The following LCLAT1 variants were observed in gnomAD, a reference collection of about 807,000 sequenced individuals.
LCLAT1 encodes 1-AGP acyltransferase 8.
Under a neutral mutation model 30.7 loss-of-function variants are expected in LCLAT1, and 11 were observed. That is an observed-to-expected ratio of 0.36 (90% confidence interval 0.23 to 0.59). LCLAT1 has a LOEUF of 0.59. LCLAT1 is among the 20% of genes least tolerant of loss of function. The pLI is 0.77. For missense variants in LCLAT1, 402 were observed against 458.6 expected (o/e 0.88, Z 1.13); for synonymous variants, 155 against 151.3 (o/e 1.02, Z -0.18).
At position 30,578,764 on chromosome 2, in the gene LCLAT1, T is replaced by A. The variant is rs1232808111; in HGVS notation, c.628+10588T>A. Among the ~76,000 whole-genome samples, 8 of 152,162 alleles carry A rather than the reference T, an allele frequency of 5.3e-5. No homozygotes were observed. In the East Asian group the frequency reaches 1.5e-3, roughly 29 times the overall value. ...AACTTCATACTGTTCCTTATGTGAG[T>A]ACATGGAAATTACTCATAATCTGTA... On this transcript the variant is annotated intron_variant, in intron 5 of 5. Coordinates refer to ENST00000379509, the MANE Select transcript of LCLAT1 (RefSeq NM_001002257.3).
At chr2:30,533,357 G>A (rs746838058) in intron 3 of LCLAT1, 43 bp downstream of exon 3, 18 of 1,491,916 alleles carry the variant, frequency 1.2e-5, no homozygotes, top group Non-Finnish European at 1.6e-5. Flanking sequence ...ATTCATTTTA[G>A]ATGTAATGCA....
At chr2:30,580,590 G>A (rs1666172059) in intron 5 of LCLAT1, among the ~76,000 whole-genome samples, 1 of 152,110 alleles carries the variant, frequency 6.6e-6, no homozygotes, top group South Asian at 2.1e-4. Flanking sequence ...CAACAGAAAG[G>A]GGAAGCTGCC....
At chr2:30,489,810 A>G (rs905887894) in intron 1 of LCLAT1, among the ~76,000 whole-genome samples, 1 of 152,114 alleles carries the variant, frequency 6.6e-6, no homozygotes, top group African/African-American at 2.4e-5. Flanking sequence ...GCCAGTCAGG[A>G]CTCTAGTTGC....
chr2:30,450,746 G>C lies in LCLAT1; in HGVS notation c.-5+3363G>C, dbSNP rs796891656. 3.3e-4 allele frequency among the ~76,000 whole-genome samples: 50 copies of C among 152,320 alleles called. 1 individual carries two copies. Among genetic ancestry groups the C allele is most frequent in the African/African-American group, 1.1e-3 (46 of 41,566 alleles). ...AGGATTTCATGAAGTCAAAGCAAGGGGGAGAACTGCTGAAACCATAAGCGC... is the reference window on the plus strand; with the variant it reads ...AGGATTTCATGAAGTCAAAGCAAGGCGGAGAACTGCTGAAACCATAAGCGC... On this transcript the variant is annotated intron_variant, in intron 1 of 5. Coordinates refer to ENST00000379509, the MANE Select transcript of LCLAT1 (RefSeq NM_001002257.3).
intron 1 of LCLAT1, 22 bp from the exon 2 acceptor site, chr2:30,525,565 T>A: frequency 6.3e-7 from 1 of 1,588,850 alleles, no homozygotes; most frequent in Non-Finnish European, 8.6e-7. Flanking sequence ...TAACAAAATA[T>A]ATCCTTTTTT....
At chr2:30,532,746 G>C (rs829623) in intron 2 of LCLAT1, among the ~76,000 whole-genome samples, 33,557 of 151,374 alleles carry the variant, frequency 0.22, 3,802 homozygotes, top group East Asian at 0.35. Flanking sequence ...CCTGTACCCA[G>C]TGCTAATTCT....
chr2:30,636,038 G>A (rs771204953), intron 5 of LCLAT1, among the ~76,000 whole-genome samples: 7 of 152,122 alleles, frequency 4.6e-5, no homozygotes, highest in Non-Finnish European at 1.0e-4. Flanking sequence ...ATCAGTGTAC[G>A]TGCTTTAAGC....
At chr2:30,526,810 A>G (rs1685744175) in intron 2 of LCLAT1, among the ~76,000 whole-genome samples, 1 of 152,228 alleles carries the variant, frequency 6.6e-6, no homozygotes, top group African/African-American at 2.4e-5. Flanking sequence ...TTGTAGATTT[A>G]CAGAGCTTGA....
chr2:30,560,320 G>A (rs1357665305), intron 3 of LCLAT1, among the ~76,000 whole-genome samples: 2 of 140,578 alleles, frequency 1.4e-5, no homozygotes, highest in African/African-American at 6.0e-5. Flanking sequence ...GTGTGTGTGT[G>A]TGTGTATTAT....
chr2:30,496,949 C>T (rs1280630886), intron 1 of LCLAT1, among the ~76,000 whole-genome samples: 1 of 152,184 alleles, frequency 6.6e-6, no homozygotes, highest in Non-Finnish European at 1.5e-5. Flanking sequence ...TCTGGAAGAG[C>T]ATACAACTCT....
rs145119535 is a variant in LCLAT1 at position 30,555,947 on chromosome 2, C to T, written c.365-6199C>T. 7.5e-3 allele frequency among the ~76,000 whole-genome samples: 1,131 copies of T among 151,384 alleles called. 14 individuals are homozygous for T. The highest frequency in any genetic ancestry group is 0.026 in the African/African-American group (1,072 of 41,258). On this transcript the variant is annotated intron_variant, in intron 3 of 5. Transcript: ENST00000379509. Reference sequence around the variant, plus strand: ...CCGCCTCCTGGTTTCATGCCATTCTCCTGCCTCAGCCTCCGGAATAGCTGG... The same window carrying T: ...CCGCCTCCTGGTTTCATGCCATTCTTCTGCCTCAGCCTCCGGAATAGCTGG...
chr2:30,461,890 C>T (rs1682157203), intron 1 of LCLAT1, among the ~76,000 whole-genome samples: 1 of 150,794 alleles, frequency 6.6e-6, no homozygotes, highest in African/African-American at 2.4e-5. Flanking sequence ...CCTGCCTCAG[C>T]CTCCCGCGTA....
intron 5 of LCLAT1, among the ~76,000 whole-genome samples, chr2:30,589,019 G>A (rs1330832269): frequency 6.6e-6 from 1 of 152,158 alleles, no homozygotes; most frequent in African/African-American, 2.4e-5. Flanking sequence ...ATTATGAATT[G>A]CTATCAACTT....
chr2:30,580,843 GTA>G (rs1403540635), intron 5 of LCLAT1, among the ~76,000 whole-genome samples: 1 of 152,080 alleles, frequency 6.6e-6, no homozygotes. Context: ...TCCCTTCTTA[GTA>G]TTCTAAGAGA....
At chr2:30,620,565 C>G (rs910456409) in intron 5 of LCLAT1, among the ~76,000 whole-genome samples, 1 of 152,166 alleles carries the variant, frequency 6.6e-6, no homozygotes, top group Non-Finnish European at 1.5e-5. Context: ...TTGCATATAG[C>G]TATTTATAAT....
At chr2:30,529,289 T>A (rs924033052) in intron 2 of LCLAT1, among the ~76,000 whole-genome samples, 1 of 152,234 alleles carries the variant, frequency 6.6e-6, no homozygotes, top group African/African-American at 2.4e-5. Context: ...AAGGAGCACA[T>A]TTCTGTGCTA....
chr2:30,529,639 T>A (rs1685893661), intron 2 of LCLAT1, among the ~76,000 whole-genome samples: 1 of 152,126 alleles, frequency 6.6e-6, no homozygotes, highest in South Asian at 2.1e-4. Context: ...GCCTTAGGAA[T>A]TTAGAGGTCA....
At chr2:30,592,002 A>G (rs1359152486) in intron 5 of LCLAT1, among the ~76,000 whole-genome samples, 4 of 152,068 alleles carry the variant, frequency 2.6e-5, no homozygotes. Context: ...TACCTCCCCT[A>G]CCAGACTGTT....
intron 5 of LCLAT1, among the ~76,000 whole-genome samples, chr2:30,586,977 T>C (rs4952154): frequency 0.13 from 19,360 of 152,248 alleles, 1,362 homozygotes; most frequent in South Asian, 0.23. Context: ...TGAACTGTCA[T>C]CACACCCTTA....
Sources: allele counts gnomAD v4.1 joint callset (sites outside exome capture counted in the v4.1 genomes callset), GRCh38; gene constraint gnomAD v4.1.1; transcripts MANE v1.5; gene names NCBI Gene and HGNC (gene_info 2026-07-23, HGNC 2026-07-21).